Variants in NEK7 observed in about 807,000 individuals in gnomAD.
NEK7 encodes NIMA related kinase 7, also known as serine/threonine-protein kinase Nek7.
Under a neutral mutation model 44.6 loss-of-function variants are expected in NEK7, and 18 were observed. The ratio of observed to expected loss-of-function variants is 0.40; its 90% CI spans 0.28 to 0.60. NEK7 has a LOEUF of 0.60. NEK7 is among the 20% of genes least tolerant of loss of function. The pLI, the probability that NEK7 is intolerant of heterozygous loss-of-function variation, is 0.38. For missense variants in NEK7, 256 were observed against 366.5 expected (o/e 0.70, Z 2.46); for synonymous variants, 130 against 121.1 (o/e 1.07, Z -0.48).
At chr1:198,240,520 AT>A (rs1477467355) in intron 2 of NEK7, among the ~76,000 whole-genome samples, 1 of 151,328 alleles carries the variant, frequency 6.6e-6, no homozygotes, top group East Asian at 1.9e-4. Flanking sequence ...AAAAAGAAAT[AT>A]GCTTTAATAA....
At chr1:198,259,441 A>C (rs1267192808) in intron 3 of NEK7, among the ~76,000 whole-genome samples, 1 of 152,180 alleles carries the variant, frequency 6.6e-6, no homozygotes, top group East Asian at 1.9e-4. Flanking sequence ...TAAAACAAAC[A>C]AACAAAAATA....
intron 3 of NEK7, among the ~76,000 whole-genome samples, chr1:198,254,660 C>G (rs755094276): frequency 2.0e-5 from 3 of 152,176 alleles, no homozygotes; most frequent in African/African-American, 7.2e-5. Flanking sequence ...TTTACACATA[C>G]AAGAATTTCT....
At chr1:198,279,647 C>T (rs189011786) in intron 7 of NEK7, among the ~76,000 whole-genome samples, 7 of 151,598 alleles carry the variant, frequency 4.6e-5, no homozygotes, top group African/African-American at 1.5e-4. Context: ...AATAAGTTTG[C>T]TTAAATTTAA....
intron 8 of NEK7, among the ~76,000 whole-genome samples, chr1:198,296,648 C>T (rs1323010463): frequency 1.3e-5 from 2 of 152,070 alleles, no homozygotes; most frequent in Non-Finnish European, 2.9e-5. Flanking sequence ...TCAGAATAAC[C>T]TTTATCTTCA....
chr1:198,202,320 C>T (rs1665455113), intron 1 of NEK7, among the ~76,000 whole-genome samples: 2 of 152,076 alleles, frequency 1.3e-5, no homozygotes, highest in South Asian at 2.1e-4. Flanking sequence ...GCTGGTTTGG[C>T]GCTTTCCTCA....
chr1:198,216,860 C>T (rs1166167280), intron 1 of NEK7, among the ~76,000 whole-genome samples: 1 of 151,840 alleles, frequency 6.6e-6, no homozygotes, highest in African/African-American at 2.4e-5. Flanking sequence ...TTATCAATTT[C>T]CTCGAAAACG....
intron 2 of NEK7, among the ~76,000 whole-genome samples, chr1:198,252,789 A>G (rs1000866961): frequency 1.3e-5 from 2 of 151,592 alleles, no homozygotes; most frequent in Non-Finnish European, 1.5e-5. Context: ...GTTTTAATGT[A>G]TTCCTTGTTT....
At chr1:198,241,302 A>C (rs1666678463) in intron 2 of NEK7, among the ~76,000 whole-genome samples, 1 of 152,202 alleles carries the variant, frequency 6.6e-6, no homozygotes, top group Non-Finnish European at 1.5e-5. Flanking sequence ...AACAAACACA[A>C]ATTTCAAAAT....
chr1:198,225,116 G>C (rs928169097), intron 1 of NEK7, among the ~76,000 whole-genome samples: 1 of 152,058 alleles, frequency 6.6e-6, no homozygotes, highest in Non-Finnish European at 1.5e-5. Flanking sequence ...GCTGAGGTGG[G>C]AGGATCACTT....
At position 198,182,495 on chromosome 1, in the gene NEK7, C is replaced by A. The variant is rs1472998992; in HGVS notation, c.-29+25219C>A. Among the ~76,000 whole-genome samples the A allele has an allele frequency of 3.9e-5, 6 of 152,108 alleles. 1 individual carries two copies. The highest frequency in any genetic ancestry group is 2.6e-4 in the Admixed American group (4 of 15,256). On this transcript the variant is annotated intron_variant, in intron 1 of 9. Transcript: ENST00000367385. ...AGCCCAAAACCATGATTATGGTTCA[C>A]AACCTGGGGTTGGTTTTCTGGTTTG...
At chr1:198,184,162 A>G (rs1026410779) in intron 1 of NEK7, among the ~76,000 whole-genome samples, 5 of 152,222 alleles carry the variant, frequency 3.3e-5, no homozygotes, top group African/African-American at 4.8e-5. Context: ...GTAATTTTTC[A>G]CACCATATTA....
At chr1:198,299,133 G>A (rs781017689) in intron 9 of NEK7, among the ~76,000 whole-genome samples, 12 of 152,178 alleles carry the variant, frequency 7.9e-5, no homozygotes, top group Non-Finnish European at 1.2e-4. Context: ...GTGATTCCTC[G>A]TATTGGTAAA....
chr1:198,264,410 T>C (rs1653583049), intron 5 of NEK7, among the ~76,000 whole-genome samples, 175 bp downstream of exon 5: 4 of 152,000 alleles, frequency 2.6e-5, no homozygotes. Flanking sequence ...GAAACTGGTT[T>C]ACTTGGTGAT....
intron 9 of NEK7, among the ~76,000 whole-genome samples, chr1:198,305,117 G>A (rs1173781609): frequency 1.4e-5 from 2 of 140,150 alleles, no homozygotes; most frequent in Non-Finnish European, 3.1e-5. Context: ...TTACTTAGTT[G>A]TATTTATTCT....
At chr1:198,226,100 T>C (rs1280368101) in intron 1 of NEK7, among the ~76,000 whole-genome samples, 1 of 151,932 alleles carries the variant, frequency 6.6e-6, no homozygotes, top group Non-Finnish European at 1.5e-5. Flanking sequence ...ATTGAATACA[T>C]ATTAAAATAT....
intron 1 of NEK7, among the ~76,000 whole-genome samples, chr1:198,215,606 A>G (rs1371028697): frequency 6.6e-6 from 1 of 152,176 alleles, no homozygotes; most frequent in African/African-American, 2.4e-5. Flanking sequence ...ACTAAAAGAT[A>G]CAGATTGGCA....
Position 198,319,914 on chromosome 1 carries a change from T to C in NEK7, c.*392T>C, listed in dbSNP as rs1420396448. The C allele has an allele frequency of 1.3e-5, 2 of 154,416 alleles. No individual in the cohort carries two copies. Among genetic ancestry groups the C allele is most frequent in the African/African-American group, 4.8e-5 (2 of 41,542 alleles). The allele number at this position is 154,416 out of a possible 1,614,324, so 9.6% of individuals were successfully genotyped here. A position where few individuals can be genotyped will look rare whatever the true frequency, so the allele number is the denominator to read the frequency against. On this transcript the variant is annotated 3_prime_UTR_variant, in exon 10 of 10. Coordinates refer to ENST00000367385, the MANE Select transcript of NEK7 (RefSeq NM_133494.3). ...AAAGTATCTGAACATGTGACTTGTT[T>C]CTTTTTTAGTAATTTATGGACATTG...
chr1:198,254,479 T>G (rs906456469), intron 3 of NEK7, among the ~76,000 whole-genome samples: 1 of 152,170 alleles, frequency 6.6e-6, no homozygotes, highest in African/African-American at 2.4e-5. Flanking sequence ...AGCTTGCTTT[T>G]TTCACATAGC....
At chr1:198,233,992 A>G (rs569472885) in intron 2 of NEK7, among the ~76,000 whole-genome samples, 1 of 147,328 alleles carries the variant, frequency 6.8e-6, no homozygotes, top group Admixed American at 6.8e-5. Flanking sequence ...ATGTGGCGGT[A>G]TCTTCTTTGC....
Sources: gnomAD v4.1 joint callset for allele counts (sites outside exome capture counted in the v4.1 genomes callset) on GRCh38, gnomAD v4.1.1 for gene constraint, MANE v1.5 for transcripts, NCBI Gene and HGNC (gene_info 2026-07-23, HGNC 2026-07-21) for gene names.